The following PCDHGB4 variants were observed in gnomAD, a reference collection of about 807,000 sequenced individuals.
The protein encoded by PCDHGB4 is protocadherin gamma subfamily B, 4, also known as protocadherin gamma-B4.
In PCDHGB4, 38 loss-of-function variants were observed where a neutral mutation model predicts 60.5. The ratio of observed to expected loss-of-function variants is 0.63; its 90% CI spans 0.48 to 0.82. The LOEUF is 0.82. Among genes scored for constraint, PCDHGB4 ranks in the 40% least tolerant of loss-of-function variants. The pLI, the probability that PCDHGB4 is intolerant of heterozygous loss-of-function variation, is 0.00. For synonymous variants in PCDHGB4, 456 were observed against 509.7 expected, an observed-to-expected ratio of 0.89 and a Z score of 1.42; for missense variants, 1,109 against 1,209.6, an observed-to-expected ratio of 0.92 and a Z score of 1.23.
Position 141,431,300 on chromosome 5 carries a change from A to G in PCDHGB4, c.2397+41019A>G, listed in dbSNP as rs200375087. 7.4e-6 allele frequency: 12 copies of G among 1,614,008 alleles called. No homozygotes were observed. Among genetic ancestry groups the G allele is most frequent in the Admixed American group, 1.7e-5 (1 of 60,010 alleles). ...CAGCCCGAACACTCACTTCTCCCTC[A>G]TCGTGCAAAATGGAGCCGACGGTAG... On this transcript the variant is annotated intron_variant, in intron 1 of 3. Coordinates refer to ENST00000519479, the MANE Select transcript of PCDHGB4 (RefSeq NM_003736.4). This position sits in a 1 kb window ranked among gnomAD's most constrained non-coding sequence, Gnocchi z 4.8.
intron 1 of PCDHGB4, chr5:141,416,068 A>G (rs940843403): frequency 1.2e-5 from 2 of 173,694 alleles, no homozygotes; most frequent in Non-Finnish European, 2.4e-5. Context: ...AGAATACTCA[A>G]TGCAGTTCTT....
rs769074023 is a variant in PCDHGB4 at position 141,491,738 on chromosome 5, G to T, written c.2398-3069G>T. On this transcript the variant is annotated intron_variant, in intron 1 of 3. Transcript: ENST00000519479. The surrounding 1 kb of genome is among the most constrained non-coding windows in gnomAD (Gnocchi z 6.9). The stretch of plus-strand genomic sequence containing the variant: ...GCGCCGCCCCGGGCGACCCCTGGGG[G>T]CGGCACTGGAGAAGCCGCCCGTCCT... 38 of 1,600,228 alleles carry T rather than the reference G, an allele frequency of 2.4e-5. No homozygotes were observed. The highest frequency in any genetic ancestry group is 3.1e-5 in the Non-Finnish European group (36 of 1,174,204).
chr5:141,496,083 C>T (rs1267834920), intron 2 of PCDHGB4, among the ~76,000 whole-genome samples: 8 of 151,904 alleles, frequency 5.3e-5, no homozygotes, highest in Admixed American at 3.3e-4. Flanking sequence ...CAACCCCCCA[C>T]CCACCACCCA....
At chr5:141,400,264 C>G (rs1184804812) in intron 1 of PCDHGB4, 2 of 1,614,058 alleles carry the variant, frequency 1.2e-6, no homozygotes. Context: ...GCGCCTGCGA[C>G]GCTCCTCCAG....
chr5:141,500,051 C>A (rs991931153), intron 2 of PCDHGB4, among the ~76,000 whole-genome samples: 1 of 151,988 alleles, frequency 6.6e-6, no homozygotes, highest in Non-Finnish European at 1.5e-5. Context: ...TATCTTAATG[C>A]TCTTTTAATG....
intron 2 of PCDHGB4, among the ~76,000 whole-genome samples, chr5:141,499,326 C>G (rs1465474737): frequency 6.6e-6 from 1 of 152,156 alleles, no homozygotes; most frequent in Non-Finnish European, 1.5e-5. Flanking sequence ...TATCCCTGCT[C>G]TCTCTCAGTT....
intron 1 of PCDHGB4, chr5:141,421,487 C>A (rs1447180364): frequency 6.2e-7 from 1 of 1,613,976 alleles, no homozygotes; most frequent in East Asian, 2.2e-5. Context: ...AGCTTGATCA[C>A]GGCAGGCAGG....
intron 1 of PCDHGB4, among the ~76,000 whole-genome samples, chr5:141,444,732 A>G (rs2098445644): frequency 6.6e-6 from 1 of 152,194 alleles, no homozygotes; most frequent in Admixed American, 6.6e-5. Context: ...CTTTGTTGAA[A>G]GTCATTTCAC....
chr5:141,436,600 G>C (rs1054182433), intron 1 of PCDHGB4, among the ~76,000 whole-genome samples: 2 of 152,154 alleles, frequency 1.3e-5, no homozygotes, highest in African/African-American at 2.4e-5. Context: ...CGTGGTGATG[G>C]CTAGGGCTAA....
chr5:141,408,661 G>A (rs1462103250), intron 1 of PCDHGB4: 1 of 1,613,770 alleles, frequency 6.2e-7, no homozygotes, highest in Non-Finnish European at 8.5e-7. Context: ...CACGACTATC[G>A]CTTGACCCTG....
At chr5:141,397,183 T>C (rs1319444729) in intron 1 of PCDHGB4, among the ~76,000 whole-genome samples, 2 of 152,190 alleles carry the variant, frequency 1.3e-5, no homozygotes, top group East Asian at 3.8e-4. Flanking sequence ...AATGAATTTA[T>C]GTACTGTAAA....
At chr5:141,464,418 T>C (rs1244881278) in intron 1 of PCDHGB4, among the ~76,000 whole-genome samples, 2 of 151,652 alleles carry the variant, frequency 1.3e-5, no homozygotes, top group Non-Finnish European at 2.9e-5. Flanking sequence ...TATATATCTA[T>C]ATATATAGAT....
intron 1 of PCDHGB4, among the ~76,000 whole-genome samples, chr5:141,439,139 G>T (rs2098090438): frequency 6.6e-6 from 1 of 150,672 alleles, no homozygotes; most frequent in South Asian, 2.1e-4. Flanking sequence ...GTTGCAGTGA[G>T]CTGAGATCAC....
intron 1 of PCDHGB4, among the ~76,000 whole-genome samples, chr5:141,472,908 C>T (rs1369506606): frequency 1.3e-5 from 2 of 149,744 alleles, no homozygotes; most frequent in African/African-American, 2.5e-5. Context: ...ATTGCTTGAA[C>T]CCAAGAGGAG....
At position 141,476,161 on chromosome 5, in the gene PCDHGB4, G is replaced by A. The variant is rs748660112; in HGVS notation, c.2398-18646G>A. 21 of 1,613,012 alleles carry A rather than the reference G, an allele frequency of 1.3e-5. No homozygotes were observed. Among genetic ancestry groups the A allele is most frequent in the Non-Finnish European group, 1.8e-5 (21 of 1,179,922 alleles). On this transcript the variant is annotated intron_variant, in intron 1 of 3. Transcript: ENST00000519479. The surrounding 1 kb of genome is among the most constrained non-coding windows in gnomAD (Gnocchi z 7.6). ...GGAGCGGACTGGTAAGCACCGGGAG[G>A]GTAGTGGGAGTTTTGCTTCTGCTTG... is the stretch of plus-strand genomic sequence containing the variant.
intron 1 of PCDHGB4, among the ~76,000 whole-genome samples, chr5:141,449,525 G>T (rs2098641561): frequency 6.7e-6 from 1 of 148,580 alleles, no homozygotes; most frequent in South Asian, 2.1e-4. Flanking sequence ...GGAGGCGGAG[G>T]TTGCAGTGAG....
intron 1 of PCDHGB4, among the ~76,000 whole-genome samples, chr5:141,482,412 T>C (rs2099559037): frequency 6.6e-6 from 1 of 151,636 alleles, no homozygotes; most frequent in Non-Finnish European, 1.5e-5. Context: ...TAACTATTTG[T>C]TGAACTAAAA....
chr5:141,432,630 G>A lies in PCDHGB4; in HGVS notation c.2397+42349G>A, dbSNP rs1278355878. On this transcript the variant is annotated intron_variant, in intron 1 of 3. Coordinates refer to ENST00000519479, the MANE Select transcript of PCDHGB4 (RefSeq NM_003736.4). This position sits in a 1 kb window ranked among gnomAD's most constrained non-coding sequence, Gnocchi z 6.0. ...CTCTTCTCGGTGGGTCTGCACACGG[G>A]CGAGGTGCGCACGGCGCGAGCCCTG... 3.7e-6 allele frequency: 6 copies of A among 1,612,782 alleles called. No homozygotes were observed. Among genetic ancestry groups the A allele is most frequent in the Non-Finnish European group, 5.1e-6 (6 of 1,179,682 alleles).
At chr5:141,404,811 G>A (rs2094571358) in intron 1 of PCDHGB4, 1 of 1,606,238 alleles carries the variant, frequency 6.2e-7, no homozygotes, top group African/African-American at 1.4e-5. Flanking sequence ...TTCTCGGTGG[G>A]GCTGCACACA....
Sources: allele counts gnomAD v4.1 joint callset (sites outside exome capture counted in the v4.1 genomes callset), GRCh38; gene constraint gnomAD v4.1.1; non-coding constraint Gnocchi (gnomAD v3.1); transcripts MANE v1.5; gene names NCBI Gene and HGNC (gene_info 2026-07-23, HGNC 2026-07-21).